Variants in DMD observed in about 807,000 individuals in gnomAD.
The protein encoded by DMD is dystrophin, also known as mutant dystrophin.
DMD carries 63 observed loss-of-function variants against 330.1 expected under a neutral mutation model. That is an observed-to-expected ratio of 0.19 (90% CI 0.16 to 0.24). DMD has a LOEUF of 0.24. DMD is among the 10% of genes least tolerant of loss of function. The pLI, the probability that DMD is intolerant of heterozygous loss-of-function variation, is 1.00. For missense variants in DMD, 3,344 were observed against 2,684.1 expected (o/e 1.25, Z -5.43); for synonymous variants, 1,223 against 959.8 (o/e 1.27, Z -5.07).
intron 30 of DMD, 143 bp from the exon 31 acceptor site, chrX:32,390,324 G>C (rs1282504006): frequency 2.0e-6 from 1 of 493,907 alleles, no homozygotes; most frequent in Non-Finnish European, 3.6e-6. Flanking sequence ...AAGAGTGGTG[G>C]TTCACACCTG....
intron 2 of DMD, among the ~76,000 whole-genome samples, chrX:32,919,267 T>C (rs1344415321): frequency 9.0e-6 from 1 of 111,675 alleles, no homozygotes; most frequent in Admixed American, 9.5e-5. Context: ...TGGCAAATAG[T>C]GTTGGTTGAT....
chrX:32,841,937 G>C (rs1291819112), intron 4 of DMD, among the ~76,000 whole-genome samples: 1 of 111,957 alleles, frequency 8.9e-6, no homozygotes, highest in Non-Finnish European at 1.9e-5. Context: ...TCAAAACAAA[G>C]GGCTCATATC....
chrX:31,379,177 C>T (rs2060032896), intron 60 of DMD, among the ~76,000 whole-genome samples: 1 of 109,891 alleles, frequency 9.1e-6, no homozygotes, highest in Non-Finnish European at 1.9e-5. Context: ...TGACCTCTCC[C>T]CTCCTCGCCA....
chrX:31,326,094 G>A lies in DMD; in HGVS notation c.9164-2436C>T, dbSNP rs2056765012. ...CTCAGAAAGAAGTGTGCTGGAGAGG[G>A]CTGCTGGCTGCCTGGCCTGGCTTAG... On this transcript the variant is annotated intron_variant, in intron 61 of 78. Transcript: ENST00000357033. Among the ~76,000 whole-genome samples the A allele has an allele frequency of 2.7e-5, 3 of 110,426 alleles. No individual in the cohort carries two copies. The South Asian group carries it at 1.2e-3, about 43-fold the overall frequency.
chrX:32,642,109 T>G (rs1436918595), intron 11 of DMD, among the ~76,000 whole-genome samples: 1 of 112,062 alleles, frequency 8.9e-6, no homozygotes, highest in African/African-American at 3.2e-5. Context: ...ACATAATGGC[T>G]TATCACATTA....
chrX:32,218,176 GCAA>G (rs775003033), intron 43 of DMD, among the ~76,000 whole-genome samples: 1 of 111,770 alleles, frequency 8.9e-6, no homozygotes, highest in Non-Finnish European at 1.9e-5. Context: ...TTAAAACACA[GCAA>G]CAACAATAAC....
At chrX:31,285,692 A>G (rs927474718) in intron 62 of DMD, among the ~76,000 whole-genome samples, 5 of 111,933 alleles carry the variant, frequency 4.5e-5, no homozygotes, top group Non-Finnish European at 7.5e-5. Flanking sequence ...TAAAGAGGGA[A>G]GAAAAAAAGT....
chrX:32,121,057 C>T (rs1569544681), intron 44 of DMD, among the ~76,000 whole-genome samples: 1 of 112,006 alleles, frequency 8.9e-6, no homozygotes, highest in African/African-American at 3.2e-5. Context: ...GAAGTGCAAA[C>T]GTTCGTTAGA....
chrX:31,265,732 G>C (rs2050973487), intron 62 of DMD, among the ~76,000 whole-genome samples: 1 of 86,035 alleles, frequency 1.2e-5, no homozygotes, highest in Non-Finnish European at 2.1e-5. Flanking sequence ...AGGGGCTTGA[G>C]TAAAAGGCAA....
intron 34 of DMD, among the ~76,000 whole-genome samples, chrX:32,373,779 C>T (rs1260664852): frequency 9.0e-6 from 1 of 111,594 alleles, no homozygotes; most frequent in African/African-American, 3.3e-5. Flanking sequence ...GCATTCTTCT[C>T]TATTAGGAAG....
In DMD at chrX:32,390,140, T is replaced by C. The variant is rs72468647; in HGVS notation, c.4275A>G (p.Glu1425=). The C allele has an allele frequency of 3.0e-3, 3,579 of 1,208,509 alleles. 61 individuals are homozygous for C. In the South Asian group the frequency reaches 0.06, roughly 20 times the overall value. ...TCCCCTGATTATGTTTCTTCATTTC[T>C]TCTAAACTGATCTCATGACTTGTCA... is the stretch of plus-strand genomic sequence containing the variant. The part of the protein sequence containing the change: ...SDLTSHEISL[E]EMKKHNQGKE... The change falls in exon 31 of 79, where the codon GAA becomes GAG. Residue 1425 remains glutamate (E), a synonymous_variant. Transcript: ENST00000357033.
intron 67 of DMD, among the ~76,000 whole-genome samples, chrX:31,184,011 T>A (rs1411789081): frequency 9.1e-6 from 1 of 109,919 alleles, no homozygotes; most frequent in Non-Finnish European, 1.9e-5. Context: ...TGGGTTCAAG[T>A]GATTCTCATG....
intron 7 of DMD, among the ~76,000 whole-genome samples, chrX:32,800,661 G>A (rs1287569271): frequency 2.7e-5 from 3 of 110,573 alleles, no homozygotes; most frequent in South Asian, 3.8e-4. Flanking sequence ...GTACCAATCC[G>A]TCATCTATGT....
chrX:31,833,161 T>C (rs997903890), intron 49 of DMD, among the ~76,000 whole-genome samples: 1 of 110,430 alleles, frequency 9.1e-6, no homozygotes, highest in Non-Finnish European at 1.9e-5. Context: ...TTTAGCAAAA[T>C]TTTAAACAAT....
chrX:32,178,519 C>G (rs1231636308), intron 44 of DMD, among the ~76,000 whole-genome samples: 3 of 109,438 alleles, frequency 2.7e-5, no homozygotes, highest in Non-Finnish European at 3.8e-5. Flanking sequence ...TGAATACACA[C>G]TATTATTAAC....
At chrX:32,431,798 A>C (rs1193544610) in intron 29 of DMD, among the ~76,000 whole-genome samples, 1 of 110,705 alleles carries the variant, frequency 9.0e-6, no homozygotes, top group Non-Finnish European at 1.9e-5. Flanking sequence ...AATATCCGGA[A>C]TTCTAGAAGT....
intron 1 of DMD, among the ~76,000 whole-genome samples, chrX:33,031,934 G>T (rs2094122004): frequency 8.9e-6 from 1 of 112,327 alleles, no homozygotes; most frequent in South Asian, 3.7e-4. Context: ...CTTAAGCAAA[G>T]ACTTAGTACA....
Position 32,759,850 on chromosome X carries a change from GGGGGGGGGGC to G in DMD, c.649+49633_649+49642del, listed in dbSNP as rs201175069. Among the ~76,000 whole-genome samples, 22 of 61,169 alleles carry G rather than the reference GGGGGGGGGGC, an allele frequency of 3.6e-4. 1 individual carries two copies. The highest frequency in any genetic ancestry group is 1.6e-3 in the African/African-American group (20 of 12,873). The allele number at this position is 61,169 out of a possible 115,157, so 53.1% of individuals were successfully genotyped here. ...GCAGATGCAGGTTTTTCTTGGGGGGGGGGGGGGGGCGGGGGAAGACCCAGGCAGGCCCATG... is the reference window on the plus strand; with the variant it reads ...GCAGATGCAGGTTTTTCTTGGGGGGGGGGGGAAGACCCAGGCAGGCCCATG... On this transcript the variant is annotated intron_variant, in intron 7 of 78. Coordinates refer to ENST00000357033, the MANE Select transcript of DMD (RefSeq NM_004006.3).
intron 1 of DMD, among the ~76,000 whole-genome samples, chrX:33,198,833 G>C (rs1289140145): frequency 1.8e-5 from 2 of 110,581 alleles, no homozygotes; most frequent in Admixed American, 9.7e-5. Context: ...GATGTACTTA[G>C]GGGATTTTGA....
Sources: gnomAD v4.1 joint callset for allele counts (sites outside exome capture counted in the v4.1 genomes callset) on GRCh38, gnomAD v4.1.1 for gene constraint, MANE v1.5 for transcripts, NCBI Gene and HGNC (gene_info 2026-07-23, HGNC 2026-07-21) for gene names.